The following CYRIB variants were observed in gnomAD, a reference collection of about 807,000 sequenced individuals.
CYRIB encodes the protein CYFIP related Rac1 interactor B, also known as CYFIP-related Rac1 interactor B.
Under a neutral mutation model 44.2 loss-of-function variants are expected in CYRIB, and 8 were observed. The observed-to-expected ratio is 0.18, with a 90% CI of 0.11 to 0.33. CYRIB has a LOEUF of 0.33. Among genes scored for constraint, CYRIB ranks in the 10% least tolerant of loss-of-function variants. CYRIB has a pLI of 1.00. For synonymous variants in CYRIB, 131 were observed against 127.2 expected, an observed-to-expected ratio of 1.03 and a Z score of -0.20; for missense variants, 185 against 382.8, an observed-to-expected ratio of 0.48 and a Z score of 4.31.
At chr8:129,985,795 A>C (rs1315872035) in intron 1 of CYRIB, among the ~76,000 whole-genome samples, 1 of 152,140 alleles carries the variant, frequency 6.6e-6, no homozygotes, top group Non-Finnish European at 1.5e-5. Flanking sequence ...CAACAAATCA[A>C]TGCAACATTC....
intron 2 of CYRIB, among the ~76,000 whole-genome samples, chr8:129,946,554 A>G (rs2094152880): frequency 6.6e-6 from 1 of 152,218 alleles, no homozygotes; most frequent in Admixed American, 6.5e-5. Flanking sequence ...CTAGAAGCTC[A>G]TCCAGCATTG....
chr8:129,885,450 G>A (rs2062362732), intron 2 of CYRIB, among the ~76,000 whole-genome samples: 1 of 152,116 alleles, frequency 6.6e-6, no homozygotes, highest in Non-Finnish European at 1.5e-5. Context: ...GAGAAGGAAG[G>A]GGAAGAAAGA....
At chr8:129,967,695 T>G (rs2095541054) in intron 2 of CYRIB, among the ~76,000 whole-genome samples, 1 of 152,156 alleles carries the variant, frequency 6.6e-6, no homozygotes, top group African/African-American at 2.4e-5. Context: ...CCTTTTTAAA[T>G]CACTGTAAAC....
At chr8:129,924,675 T>C (rs935178328) in intron 1 of CYRIB, among the ~76,000 whole-genome samples, 3 of 152,240 alleles carry the variant, frequency 2.0e-5, no homozygotes, top group South Asian at 2.1e-4. Context: ...CTTTTAAAAC[T>C]GAAAGATCCA....
intron 2 of CYRIB, among the ~76,000 whole-genome samples, chr8:129,883,863 T>C (rs2061697072): frequency 1.3e-5 from 2 of 150,146 alleles, no homozygotes; most frequent in African/African-American, 2.4e-5. Context: ...GGGTTAATAA[T>C]AAGCACCACA....
At chr8:129,883,898 T>C (rs1219571668) in intron 2 of CYRIB, among the ~76,000 whole-genome samples, 1 of 152,218 alleles carries the variant, frequency 6.6e-6, no homozygotes, top group East Asian at 1.9e-4. Flanking sequence ...TGGCAGTTTA[T>C]TTACTATTAC....
intron 1 of CYRIB, among the ~76,000 whole-genome samples, chr8:129,934,068 AT>A (rs1276031695): frequency 6.6e-6 from 1 of 152,184 alleles, no homozygotes; most frequent in Non-Finnish European, 1.5e-5. Flanking sequence ...ATAAAGTCTC[AT>A]GATTTCACTG....
intron 1 of CYRIB, among the ~76,000 whole-genome samples, chr8:129,909,470 A>G (rs2076961948): frequency 6.6e-6 from 1 of 152,140 alleles, no homozygotes; most frequent in African/African-American, 2.4e-5. Context: ...ACTGCTTTTT[A>G]TCATTCACAT....
chr8:129,929,656 ATAAAT>A (rs1371949032), intron 1 of CYRIB, among the ~76,000 whole-genome samples: 3 of 152,244 alleles, frequency 2.0e-5, no homozygotes, highest in African/African-American at 7.2e-5. Flanking sequence ...AAATGAAAAC[ATAAAT>A]TAAAATAGCA....
At chr8:129,986,418 C>G (rs1438167121) in intron 1 of CYRIB, among the ~76,000 whole-genome samples, 1 of 152,174 alleles carries the variant, frequency 6.6e-6, no homozygotes, top group East Asian at 1.9e-4. Context: ...TTGTCCCCCT[C>G]AAAATTCATG....
intron 1 of CYRIB, among the ~76,000 whole-genome samples, chr8:130,014,762 G>A (rs1039139344): frequency 3.3e-5 from 5 of 152,140 alleles, no homozygotes; most frequent in East Asian, 1.9e-4. Flanking sequence ...GCCCTTCTCC[G>A]TGCTGTGAGC....
In CYRIB at chr8:129,936,464, T is replaced by G. The variant is rs578046525; in HGVS notation, c.-50+3144A>C. Reference sequence around the variant, plus strand: ...AATTAAGAGCCAGGATTTAGTGAACTGATCATAATATAGAATGAGTTCACA... The same window carrying G: ...AATTAAGAGCCAGGATTTAGTGAACGGATCATAATATAGAATGAGTTCACA... On this transcript the variant is annotated intron_variant, in intron 1 of 11. Transcript: ENST00000519824. Among the ~76,000 whole-genome samples, 70 of 152,298 alleles carry G rather than the reference T, an allele frequency of 4.6e-4. No individual in the cohort carries two copies. In the South Asian group the frequency reaches 0.01, roughly 22 times the overall value.
exon 12 of CYRIB, chr8:129,841,599 T>C (rs535387943): frequency 6.5e-6 from 1 of 153,240 alleles, no homozygotes; most frequent in Non-Finnish European, 1.5e-5. Context: ...ACACACAACA[T>C]ACATCCTTAC....
chr8:129,854,002 C>G (rs2044773085), intron 7 of CYRIB, among the ~76,000 whole-genome samples: 1 of 152,086 alleles, frequency 6.6e-6, no homozygotes, highest in Admixed American at 6.5e-5. Flanking sequence ...GAGAGTACAT[C>G]GCGAAATTTT....
chr8:129,981,889 C>G (rs2096252642), intron 1 of CYRIB, among the ~76,000 whole-genome samples: 1 of 152,224 alleles, frequency 6.6e-6, no homozygotes, highest in South Asian at 2.1e-4. Flanking sequence ...CACTGTCCCC[C>G]TCTCTCAGAG....
intron 1 of CYRIB, among the ~76,000 whole-genome samples, chr8:129,984,145 A>G (rs1255552343): frequency 6.6e-6 from 1 of 152,186 alleles, no homozygotes; most frequent in African/African-American, 2.4e-5. Context: ...GAGAAGCACT[A>G]TTTAGGGCTG....
At chr8:129,992,125 A>G (rs940770870) in intron 1 of CYRIB, among the ~76,000 whole-genome samples, 1 of 151,896 alleles carries the variant, frequency 6.6e-6, no homozygotes, top group Middle Eastern at 3.2e-3. Context: ...GTTTGAGACC[A>G]GCCTGGGCAA....
chr8:129,869,243 G>C (rs1383429721), intron 4 of CYRIB, among the ~76,000 whole-genome samples: 1 of 151,390 alleles, frequency 6.6e-6, no homozygotes. Flanking sequence ...AAAATTAGCT[G>C]GGCATGGTGG....
chr8:129,922,108 A>G (rs911417905), intron 1 of CYRIB, among the ~76,000 whole-genome samples: 4 of 152,202 alleles, frequency 2.6e-5, no homozygotes, highest in Non-Finnish European at 4.4e-5. Flanking sequence ...TGGTAACATA[A>G]TCTGGGCAGT....
Sources: gnomAD v4.1 joint callset for allele counts (sites outside exome capture counted in the v4.1 genomes callset) on GRCh38, gnomAD v4.1.1 for gene constraint, MANE v1.5 for transcripts, NCBI Gene and HGNC (gene_info 2026-07-23, HGNC 2026-07-21) for gene names.